IGF2R: variants seen among roughly 807,000 people sequenced by gnomAD.
The protein encoded by IGF2R is cation-independent mannose-6-phosphate receptor.
Under a neutral mutation model 270.6 loss-of-function variants are expected in IGF2R, and 91 were observed. The ratio of observed to expected loss-of-function variants is 0.34; its 90% CI spans 0.28 to 0.40. The LOEUF is 0.40. Among genes scored for constraint, IGF2R ranks in the 10% least tolerant of loss-of-function variants. The pLI is 1.00. For synonymous variants in IGF2R, 1,316 were observed against 1,258.9 expected (o/e 1.05, Z -0.96); for missense variants, 2,805 against 3,188.3 (o/e 0.88, Z 2.90).
chr6:160,029,413 C>A, intron 6 of IGF2R, 137 bp from the exon 7 acceptor site: 2 of 518,320 alleles, frequency 3.9e-6, no homozygotes, highest in South Asian at 2.7e-5. Flanking sequence ...TATACCATAT[C>A]TACTTTTATA....
chr6:160,073,952 G>T lies in IGF2R; in HGVS notation c.5143G>T (p.Val1715Phe). The T allele has an allele frequency of 1.2e-6, 2 of 1,613,302 alleles. No homozygotes were observed. Among genetic ancestry groups the T allele is most frequent in the South Asian group, 1.1e-5 (1 of 90,900 alleles). The change falls in exon 35 of 48, where the codon GTT (valine) becomes TTT (phenylalanine). Residue 1715 changes from valine to phenylalanine, a missense_variant. Coordinates refer to ENST00000356956, the MANE Select transcript of IGF2R (RefSeq NM_000876.4). ...PCPAGAAVCKVPIDGPPIDIG... is the reference protein window; with the variant it reads ...PCPAGAAVCKFPIDGPPIDIG... ...TCCTGCCGGAGCCGCTGTGTGCAAA[G>T]TTCCTATTGATGGTCCCCCCATAGT...
At position 160,060,716 on chromosome 6, in the gene IGF2R, CG is replaced by C; in HGVS notation, c.3262+1del. 1 of 1,614,148 alleles carries C rather than the reference CG, an allele frequency of 6.2e-7. No homozygotes were observed. On this transcript the variant is annotated frameshift_variant and splice_region_variant, in exon 23 of 48. Transcript: ENST00000356956. LOFTEE classifies it high-confidence loss of function. ...VPSPVDCQVT[D>X]LAGNEYDLTG... ...CTTCTCCAGTGGACTGCCAAGTCAC[CG>C]GTAAGGCCGTGCGGCCTAAGAACTG...
chr6:160,084,937 G>A lies in IGF2R; in HGVS notation c.6069-58G>A. ...AAAGTAAAGTGAAGAGCCCTCCTGT[G>A]TCAGGGCAGAGACGTCACTTGCATG... On this transcript the variant is annotated intron_variant, in intron 40 of 47. Transcript: ENST00000356956. The surrounding 1 kb of genome is among the most constrained non-coding windows in gnomAD (Gnocchi z 4.6). 6.5e-7 allele frequency: 1 copy of A among 1,549,808 alleles called. No homozygotes were observed. The highest frequency in any genetic ancestry group is 8.8e-7 in the Non-Finnish European group (1 of 1,133,178).
chr6:159,977,710 G>C (rs1187544624), intron 1 of IGF2R, among the ~76,000 whole-genome samples: 1 of 152,098 alleles, frequency 6.6e-6, no homozygotes, highest in Admixed American at 6.5e-5. Context: ...CACTTTCCTG[G>C]GCTTGAATCC....
rs929656584 is a variant in IGF2R, at chr6:160,109,459, A to C, written c.*4375A>C. 10 of 152,206 alleles carry C rather than the reference A, an allele frequency of 6.6e-5. No homozygotes were observed. The highest frequency in any genetic ancestry group is 2.6e-4 in the Admixed American group (4 of 15,284). The allele number at this position is 152,206 out of a possible 1,614,324, so 9.4% of individuals were successfully genotyped here. A position where few individuals can be genotyped will look rare whatever the true frequency, so the allele number is the denominator to read the frequency against. On this transcript the variant is annotated 3_prime_UTR_variant, in exon 48 of 48. Coordinates refer to ENST00000356956, the MANE Select transcript of IGF2R (RefSeq NM_000876.4). ...GACATTCAAACTTACAGAACAAAGA[A>C]CTATTTTTTCCCTGAATCATTTGAG...
intron 11 of IGF2R, 118 bp from the exon 12 acceptor site, chr6:160,043,030 A>T: frequency 9.6e-7 from 1 of 1,037,392 alleles, no homozygotes; most frequent in Non-Finnish European, 1.4e-6. Context: ...CTGGGGATTG[A>T]GTGACGAAGT....
At chr6:160,008,775 G>A (rs190184125) in intron 2 of IGF2R, among the ~76,000 whole-genome samples, 12 of 152,204 alleles carry the variant, frequency 7.9e-5, no homozygotes, top group Admixed American at 2.6e-4. Context: ...TGAGATGGGC[G>A]TATAGCTGTG....
intron 12 of IGF2R, 34 bp from the exon 13 acceptor site, chr6:160,044,480 C>A: frequency 6.6e-7 from 1 of 1,525,498 alleles, no homozygotes; most frequent in South Asian, 1.2e-5. Context: ...CATTTTTAAC[C>A]ACATCTTCTG....
In IGF2R at chr6:160,108,014, G is replaced by A. The variant is rs1779658959; in HGVS notation, c.*2930G>A. 1 of 152,242 alleles carries A rather than the reference G, an allele frequency of 6.6e-6. No homozygotes were observed. The highest frequency in any genetic ancestry group is 2.4e-5 in the African/African-American group (1 of 41,452). The allele number at this position is 152,242 out of a possible 1,614,324, so 9.4% of individuals were successfully genotyped here. ...ATTGTACAAGTTAAAGCACTGATGG[G>A]TACACAGGTCTTACCCCTGTTGGCG... is the stretch of plus-strand genomic sequence containing the variant. On this transcript the variant is annotated 3_prime_UTR_variant, in exon 48 of 48. Coordinates refer to ENST00000356956, the MANE Select transcript of IGF2R (RefSeq NM_000876.4).
rs1777648175 is a variant in IGF2R at position 160,029,629 on chromosome 6, T to C, written c.856T>C (p.Phe286Leu). ...TCACAGCCCTGCGGTGACTATTACA[T>C]TTGTTTGCCCGTCGGAGCGGAGAGA... ...DGHSPAVTIT[F>L]VCPSERREGT... Residue 286 changes from phenylalanine to leucine, a missense_variant, in exon 7 of 48, where the codon TTT becomes CTT. Phe to Leu is a conservative substitution (Grantham distance 22, BLOSUM62 0). This residue lies in a region of IGF2R where 954 missense variants were observed against 981.1 expected (regional missense o/e 0.97). Transcript: ENST00000356956. The C allele has an allele frequency of 6.2e-7, 1 of 1,613,618 alleles. No individual in the cohort carries two copies. Among genetic ancestry groups the C allele is most frequent in the African/African-American group, 1.3e-5 (1 of 74,922 alleles).
At chr6:160,031,614 G>T (rs1777699101) in intron 7 of IGF2R, among the ~76,000 whole-genome samples, 1 of 151,928 alleles carries the variant, frequency 6.6e-6, no homozygotes, top group African/African-American at 2.4e-5. Flanking sequence ...GGAGCCCTGG[G>T]GTCTGCATCA....
intron 1 of IGF2R, among the ~76,000 whole-genome samples, chr6:159,976,821 A>G (rs1224436897): frequency 6.6e-6 from 1 of 152,172 alleles, no homozygotes; most frequent in Non-Finnish European, 1.5e-5. Context: ...GGTGGAACTT[A>G]CTGACATTTC....
At chr6:160,054,673 C>A (rs1226056761) in intron 19 of IGF2R, among the ~76,000 whole-genome samples, 3 of 152,068 alleles carry the variant, frequency 2.0e-5, no homozygotes, top group Non-Finnish European at 4.4e-5. Flanking sequence ...CTCTGGAGTC[C>A]CCTTGGCTAA....
chr6:160,075,401 G>T (rs576089537), intron 35 of IGF2R, among the ~76,000 whole-genome samples: 1 of 152,146 alleles, frequency 6.6e-6, no homozygotes. Flanking sequence ...GGGCAGTCCC[G>T]GGGCAGCACT....
At position 160,058,179 on chromosome 6, in the gene IGF2R, T is replaced by C; in HGVS notation, c.2898+55T>C. On this transcript the variant is annotated intron_variant, in intron 21 of 47. Coordinates refer to ENST00000356956, the MANE Select transcript of IGF2R (RefSeq NM_000876.4). ...GCTTTGAAACAGGGGGAGAGTGCAT[T>C]ATTGAAGTCACCTGCACGTGGTGAT... 24 of 1,166,010 alleles carry C rather than the reference T, an allele frequency of 2.1e-5. 1 individual carries two copies. In the South Asian group the frequency reaches 2.8e-4, roughly 14 times the overall value. 72.2% of individuals were successfully genotyped at this position (1,166,010 alleles called of 1,614,324 possible). A position where few individuals can be genotyped will look rare whatever the true frequency, so the allele number is the denominator to read the frequency against.
chr6:159,976,256 A>G (rs562341044), intron 1 of IGF2R, among the ~76,000 whole-genome samples: 2 of 151,996 alleles, frequency 1.3e-5, no homozygotes, highest in South Asian at 4.1e-4. Flanking sequence ...GGTAATCTCT[A>G]TTTTCCTAGA....
intron 1 of IGF2R, among the ~76,000 whole-genome samples, chr6:159,976,478 G>T (rs1178452964): frequency 1.3e-5 from 2 of 151,672 alleles, no homozygotes; most frequent in African/African-American, 2.4e-5. Context: ...CCTTTTATTT[G>T]CAATTTTATT....
At chr6:160,059,451 A>C (rs1309885085) in intron 22 of IGF2R, among the ~76,000 whole-genome samples, 1 of 152,200 alleles carries the variant, frequency 6.6e-6, no homozygotes, top group Non-Finnish European at 1.5e-5. Flanking sequence ...ATTGAGCTTC[A>C]TCCTCTGTAT....
chr6:159,977,583 G>A (rs1783713920), intron 1 of IGF2R, among the ~76,000 whole-genome samples: 1 of 152,220 alleles, frequency 6.6e-6, no homozygotes, highest in African/African-American at 2.4e-5. Context: ...TGAGTTGGCT[G>A]TGTCCAATCA....
Sources: allele counts gnomAD v4.1 joint callset (sites outside exome capture counted in the v4.1 genomes callset), GRCh38; gene constraint gnomAD v4.1.1; regional missense constraint gnomAD v4.1.1; non-coding constraint Gnocchi (gnomAD v3.1); transcripts MANE v1.5; gene names NCBI Gene and HGNC (gene_info 2026-07-23, HGNC 2026-07-21).